CFAP47: variants seen among roughly 807,000 people sequenced by gnomAD.
The protein encoded by CFAP47 is cilia- and flagella-associated protein 47.
In CFAP47, 29 loss-of-function variants were observed where a neutral mutation model predicts 148.1. That is an observed-to-expected ratio of 0.20 (90% CI 0.15 to 0.27). The LOEUF (loss-of-function observed/expected upper bound fraction) is 0.27. Ranked by LOEUF, CFAP47 falls within the 10% of genes least tolerant of loss-of-function variation. The pLI, the probability that CFAP47 is intolerant of heterozygous loss-of-function variation, is 1.00. For missense variants in CFAP47, 1,872 were observed against 1,697.5 expected (o/e 1.10, Z -1.81); for synonymous variants, 664 against 577.3 (o/e 1.15, Z -2.15).
intron 45 of CFAP47, among the ~76,000 whole-genome samples, chrX:36,223,860 C>T (rs1166389557): frequency 1.8e-5 from 2 of 111,207 alleles, no homozygotes; most frequent in Non-Finnish European, 3.8e-5. Flanking sequence ...TTAATCAAAT[C>T]CCACTCATTG....
chrX:36,106,871 A>T (rs1938474837), intron 33 of CFAP47, among the ~76,000 whole-genome samples: 1 of 111,640 alleles, frequency 9.0e-6, no homozygotes, highest in African/African-American at 3.3e-5. Flanking sequence ...AGGTAGTGAA[A>T]CTACTCTGTT....
At chrX:36,131,427 T>C (rs1481952806) in intron 33 of CFAP47, among the ~76,000 whole-genome samples, 3 of 110,724 alleles carry the variant, frequency 2.7e-5, no homozygotes, top group Non-Finnish European at 5.7e-5. Context: ...TCTGCACTTT[T>C]TGCACAATTT....
At chrX:35,985,962 A>G in intron 15 of CFAP47, 1 of 338,650 alleles carries the variant, frequency 3.0e-6, no homozygotes, top group Non-Finnish European at 5.8e-6. Context: ...TACAATTGTT[A>G]TCTCCATTTT....
At chrX:35,940,130 T>G (rs1186761532) in intron 2 of CFAP47, among the ~76,000 whole-genome samples, 1 of 111,271 alleles carries the variant, frequency 9.0e-6, no homozygotes, top group Non-Finnish European at 1.9e-5. Context: ...TCACCCACTT[T>G]TTGATGGGGT....
intron 42 of CFAP47, among the ~76,000 whole-genome samples, chrX:36,191,371 A>G: frequency 1.8e-5 from 2 of 111,882 alleles, no homozygotes. Flanking sequence ...ATTAGCTTAC[A>G]CAAATTTAAT....
At chrX:36,201,856 G>A (rs868991185) in intron 44 of CFAP47, among the ~76,000 whole-genome samples, 10 of 110,701 alleles carry the variant, frequency 9.0e-5, no homozygotes, top group Middle Eastern at 4.7e-3. Flanking sequence ...GGGGTGGGTA[G>A]GAATATGTTC....
chrX:36,310,181 C>T (rs6629073), intron 55 of CFAP47, among the ~76,000 whole-genome samples: 1 of 110,828 alleles, frequency 9.0e-6, no homozygotes, highest in Non-Finnish European at 1.9e-5. Flanking sequence ...GTACTGTACT[C>T]TGAAGGGACT....
At chrX:36,288,999 C>CTTTTTTTTTTTTTTTTTTT (rs34230885) in intron 51 of CFAP47, among the ~76,000 whole-genome samples, 1 of 66,471 alleles carries the variant, frequency 1.5e-5, no homozygotes, top group Non-Finnish European at 2.8e-5. Flanking sequence ...TTCTTTCATC[C>CTTTTTTTTTTTTTTTTTTT]TTTTTTTTTT....
At chrX:36,116,636 A>G (rs1938645381) in intron 33 of CFAP47, among the ~76,000 whole-genome samples, 1 of 111,521 alleles carries the variant, frequency 9.0e-6, no homozygotes, top group Admixed American at 9.5e-5. Context: ...GTGAGTGCAC[A>G]GTAGGTGTAT....
At chrX:36,082,327 T>G (rs955113878) in intron 29 of CFAP47, among the ~76,000 whole-genome samples, 11 of 111,459 alleles carry the variant, frequency 9.9e-5, no homozygotes, top group African/African-American at 3.6e-4. Context: ...TAGAAGCCCT[T>G]AGGTATTATT....
intron 49 of CFAP47, among the ~76,000 whole-genome samples, chrX:36,261,943 C>T (rs371127391): frequency 2.7e-5 from 3 of 109,172 alleles, no homozygotes; most frequent in Non-Finnish European, 3.8e-5. Context: ...GTCGGCTGGC[C>T]GGGCGGGGGC....
At chrX:36,265,796 C>T (rs1398782203) in intron 49 of CFAP47, among the ~76,000 whole-genome samples, 1 of 111,496 alleles carries the variant, frequency 9.0e-6, no homozygotes, top group African/African-American at 3.3e-5. Context: ...TTAGAGTTTC[C>T]AGAGTTCTGT....
intron 62 of CFAP47, chrX:36,374,754 T>G (rs1942005603): frequency 1.9e-6 from 1 of 527,052 alleles, no homozygotes; most frequent in Admixed American, 3.3e-5. Flanking sequence ...ATATTTTTTT[T>G]TCCATGAGGC....
intron 29 of CFAP47, 98 bp downstream of exon 29, chrX:36,073,462 T>A: frequency 1.8e-6 from 1 of 543,052 alleles, no homozygotes. Context: ...CAATATGAAG[T>A]AATTTATTCT....
intron 39 of CFAP47, among the ~76,000 whole-genome samples, chrX:36,177,839 C>T (rs768187328): frequency 1.9e-4 from 21 of 111,225 alleles, no homozygotes; most frequent in Non-Finnish European, 3.8e-4. Context: ...GGGTATATAC[C>T]CAAAGATAAG....
rs182149246 is a variant in CFAP47, at chrX:36,350,843, A to G, written c.8698+711A>G. 3.4e-3 allele frequency among the ~76,000 whole-genome samples: 380 copies of G among 110,503 alleles called. 4 individuals carry two copies. Among genetic ancestry groups the G allele is most frequent in the African/African-American group, 0.012 (370 of 30,468 alleles). Reference sequence around the variant, plus strand: ...GAAACAAAATTTCTCTTATATAACCAGTGATATTTAGTATCCAGACCTCTT... The same window carrying G: ...GAAACAAAATTTCTCTTATATAACCGGTGATATTTAGTATCCAGACCTCTT... On this transcript the variant is annotated intron_variant, in intron 59 of 63. Transcript: ENST00000378653.
At chrX:35,933,427 A>G (rs1475029160) in intron 2 of CFAP47, among the ~76,000 whole-genome samples, 1 of 111,907 alleles carries the variant, frequency 8.9e-6, no homozygotes, top group African/African-American at 3.3e-5. Flanking sequence ...ATAGTACTTC[A>G]TCGTGTATAT....
intron 49 of CFAP47, among the ~76,000 whole-genome samples, chrX:36,267,360 G>A (rs782659058): frequency 9.0e-6 from 1 of 111,197 alleles, no homozygotes; most frequent in South Asian, 3.8e-4. Flanking sequence ...ACTGAATTTG[G>A]ATCTTTTTGG....
intron 37 of CFAP47, among the ~76,000 whole-genome samples, chrX:36,158,176 T>C (rs1054221827): frequency 1.8e-5 from 2 of 112,284 alleles, no homozygotes; most frequent in African/African-American, 6.5e-5. Context: ...ACCAAGGGAA[T>C]CTATTCCCAT....
Sources: allele counts gnomAD v4.1 joint callset (sites outside exome capture counted in the v4.1 genomes callset), GRCh38; gene constraint gnomAD v4.1.1; transcripts MANE v1.5; gene names NCBI Gene and HGNC (gene_info 2026-07-23, HGNC 2026-07-21).